The following TH variants were observed in gnomAD, a reference collection of about 807,000 sequenced individuals.
The protein encoded by TH is tyrosine 3-monooxygenase.
TH carries 49 observed loss-of-function variants against 57.4 expected under a neutral mutation model. The ratio of observed to expected loss-of-function variants is 0.85; its 90% CI spans 0.68 to 1.08. The LOEUF (loss-of-function observed/expected upper bound fraction) is 1.08, where lower values mean the gene tolerates loss of function less well. Among genes scored for constraint, TH ranks in the 50% least tolerant of loss-of-function variants. The pLI is 0.00. For missense variants in TH, 720 were observed against 696.7 expected (o/e 1.03, Z -0.38); for synonymous variants, 330 against 304.5 (o/e 1.08, Z -0.87).
rs775721911 is a variant in TH, at chr11:2,168,626, C to A, written c.352G>T (p.Ala118Ser). Residue 118 changes from alanine (A) to serine (S), a missense_variant, in exon 3 of 13, where the codon GCC becomes TCC. Coordinates refer to ENST00000352909, the MANE Select transcript of TH (RefSeq NM_000360.4). ...GGGCCCCCAGCTCGCGGCCTCTGGGCGGGCCGGGTCTCTAGATGGTGGATT... is the reference window on the plus strand; with the variant it reads ...GGGCCCCCAGCTCGCGGCCTCTGGGAGGGCCGGGTCTCTAGATGGTGGATT... Reference protein sequence around the residue: ...AKIHHLETRPAQRPRAGGPHL... With the variant: ...AKIHHLETRPSQRPRAGGPHL... 6.2e-6 allele frequency: 10 copies of A among 1,609,576 alleles called. No individual in the cohort carries two copies. Among genetic ancestry groups the A allele is most frequent in the East Asian group, 2.2e-5 (1 of 44,672 alleles).
rs1158669643 is a variant in TH, at chr11:2,168,550, G to A, written c.428C>T (p.Ala143Val). The change falls in exon 3 of 13, where the codon GCC (alanine) becomes GTC (valine). Residue 143 changes from alanine (A) to valine (V), a missense_variant. By Grantham distance (64) the Ala-to-Val change is moderately conservative. Transcript: ENST00000352909. The part of the protein sequence containing the change: ...RLEVRRGDLA[A>V]LLSGVRQVSE... The stretch of plus-strand genomic sequence containing the variant: ...CACCTGGCGCACACCACTGAGCAGG[G>A]CGGCCAGGTCCCCTCGGCGCACCTC... 4 of 1,612,050 alleles carry A rather than the reference G, an allele frequency of 2.5e-6. No homozygotes were observed. Among genetic ancestry groups the A allele is most frequent in the East Asian group, 2.2e-5 (1 of 44,838 alleles).
At chr11:2,168,755 G>T (rs1014030548) in intron 2 of TH, 90 bp from the exon 3 acceptor site, 164 of 1,395,244 alleles carry the variant, frequency 1.2e-4, no homozygotes, top group Non-Finnish European at 1.5e-4. Context: ...AGGCACATCT[G>T]GCTGGCTGGC....
Position 2,167,000 on chromosome 11 carries a change from T to C in TH, c.728A>G (p.Tyr243Cys). The change falls in exon 7 of 13, where the codon TAC becomes TGC. Residue 243 changes from tyrosine (Y) to cysteine (C), a missense_variant. Transcript: ENST00000352909. Reference sequence around the variant, plus strand: ...GTGCTCCCCGCAGGCGTGCGTGGCGTAGAGGCCCTTCAGCGTGGTGTAGAC... The same window carrying C: ...GTGCTCCCCGCAGGCGTGCGTGGCGCAGAGGCCCTTCAGCGTGGTGTAGAC... ...KEVYTTLKGL[Y>C]ATHACGEHLE... is the part of the protein sequence containing the mutation. The C allele has an allele frequency of 6.3e-7, 1 of 1,588,684 alleles. No individual in the cohort carries two copies.
rs765379626 is a variant in TH, at chr11:2,166,030, G to A, written c.1076C>T (p.Ser359Leu). ...QDIGLASLGASDEEIEKLSTL... is the reference protein window; with the variant it reads ...QDIGLASLGALDEEIEKLSTL... ...GGACAGCTTCTCAATTTCCTCATCC[G>A]AGGCCCCCAGGGACGCCAGGCCAAT... The change falls in exon 10 of 13, where the codon TCG becomes TTG. Residue 359 changes from serine (S) to leucine (L), a missense_variant. Ser to Leu is a moderately radical substitution (Grantham distance 145). Transcript: ENST00000352909. 5.1e-6 allele frequency: 8 copies of A among 1,560,006 alleles called. No individual in the cohort carries two copies. Among genetic ancestry groups the A allele is most frequent in the Non-Finnish European group, 6.9e-6 (8 of 1,152,080 alleles).
At position 2,166,070 on chromosome 11, in the gene TH, G is replaced by A. The variant is rs1454915409; in HGVS notation, c.1048-12C>T. 6.4e-7 allele frequency: 1 copy of A among 1,552,538 alleles called. No individual in the cohort carries two copies. The highest frequency in any genetic ancestry group is 8.7e-7 in the Non-Finnish European group (1 of 1,147,756). On this transcript the variant is annotated splice_polypyrimidine_tract_variant and intron_variant, in intron 9 of 12. Coordinates refer to ENST00000352909, the MANE Select transcript of TH (RefSeq NM_000360.4). ...GCCAGGCCAATGTCCTGTGGAGCAG[G>A]GAGGATGAAGGATGGGGAGAGGCAG...
intron 5 of TH, 151 bp from the exon 6 acceptor site, chr11:2,167,636 C>T (rs1846135827): frequency 8.8e-7 from 1 of 1,130,548 alleles, no homozygotes; most frequent in South Asian, 1.4e-5. Flanking sequence ...CCCCAGCTGA[C>T]TGTGCCGTGA....
rs1281472516 is a variant in TH at position 2,166,783 on chromosome 11, G to T, written c.842-15C>A. 2.6e-6 allele frequency: 4 copies of T among 1,547,714 alleles called. No homozygotes were observed. Among genetic ancestry groups the T allele is most frequent in the Non-Finnish European group, 3.5e-6 (4 of 1,145,602 alleles). On this transcript the variant is annotated splice_polypyrimidine_tract_variant and intron_variant, in intron 7 of 12. Transcript: ENST00000352909. The stretch of plus-strand genomic sequence containing the variant: ...GCCCGTGCGCTCTGCAAGGGGCCAC[G>T]CGGGTCACTGCCGAGCCGGGACGGG...
rs4072823 is a variant in TH at position 2,166,168 on chromosome 11, T to G, written c.1048-110A>C. 0.98 allele frequency: 1,244,010 copies of G among 1,266,748 alleles called. 613,438 individuals carry two copies. Among genetic ancestry groups the G allele is most frequent in the East Asian group, 1 (39,472 of 39,484 alleles). The allele number at this position is 1,266,748 out of a possible 1,614,324, so 78.5% of individuals were successfully genotyped here. A position where few individuals can be genotyped will look rare whatever the true frequency, so the allele number is the denominator to read the frequency against. On this transcript the variant is annotated intron_variant, in intron 9 of 12. Coordinates refer to ENST00000352909, the MANE Select transcript of TH (RefSeq NM_000360.4). ...TCCAGGGGTCTCTGGGACACTTCCC[T>G]GGCGGCAGAGACCTTCCCTGGCCGC...
At position 2,170,783 on chromosome 11, in the gene TH, TGCCTGATGGGGA is replaced by T; in HGVS notation, c.90+902_90+913del. On this transcript the variant is annotated intron_variant, in intron 1 of 12. Coordinates refer to ENST00000352909, the MANE Select transcript of TH (RefSeq NM_000360.4). This position sits in a 1 kb window ranked among gnomAD's most constrained non-coding sequence, Gnocchi z 6.0. ...GCCCCGGGGCGCCCTGGGGAGGGGA[TGCCTGATGGGGA>T]GCCTGGTGGGGGAGGGTAGGGGAGG... is the stretch of plus-strand genomic sequence containing the variant. The T allele has an allele frequency of 2.0e-6, 2 of 997,782 alleles. No individual in the cohort carries two copies. Among genetic ancestry groups the T allele is most frequent in the Non-Finnish European group, 2.4e-6 (2 of 823,408 alleles). 61.8% of individuals were successfully genotyped at this position (997,782 alleles called of 1,614,324 possible).
Position 2,168,129 on chromosome 11 carries a change from C to G in TH, c.538G>C (p.Val180Leu), listed in dbSNP as rs1846152581. Reference protein sequence around the residue: ...VSELDKCHHLVTKFDPDLDLD... With the variant: ...VSELDKCHHLLTKFDPDLDLD... Reference sequence around the variant, plus strand: ...TCCAGGTCAGGGTCGAACTTGGTGACCAGGTGATGACACTTGTCCAGCTCT... The same window carrying G: ...TCCAGGTCAGGGTCGAACTTGGTGAGCAGGTGATGACACTTGTCCAGCTCT... Residue 180 changes from valine (V) to leucine (L), a missense_variant, in exon 4 of 13, where the codon GTC becomes CTC. Coordinates refer to ENST00000352909, the MANE Select transcript of TH (RefSeq NM_000360.4). The G allele has an allele frequency of 6.2e-7, 1 of 1,613,466 alleles. No individual in the cohort carries two copies. The highest frequency in any genetic ancestry group is 1.3e-5 in the African/African-American group (1 of 74,914).
rs181865940 is a variant in TH at position 2,169,918 on chromosome 11, G to C, written c.91-47C>G. On this transcript the variant is annotated intron_variant, in intron 1 of 12. Transcript: ENST00000352909. The stretch of plus-strand genomic sequence containing the variant: ...ATGCCTCCTCCACCTGCTGAGACCC[G>C]GGGACCTCCACCCACAGCTGGTCCC... 6 of 1,561,668 alleles carry C rather than the reference G, an allele frequency of 3.8e-6. No individual in the cohort carries two copies. In the East Asian group the frequency reaches 9.5e-5, roughly 25 times the overall value.
At position 2,165,704 on chromosome 11, in the gene TH, A is replaced by G; in HGVS notation, c.1164T>C (p.Tyr388=). The change falls in exon 11 of 13, where the codon TAT becomes TAC. Residue 388 remains tyrosine, a synonymous_variant. Coordinates refer to ENST00000352909, the MANE Select transcript of TH (RefSeq NM_000360.4). ...LCKQNGEVKA[Y]GAGLLSSYGE... ...CGTAGGAGGACAGCAGCCCGGCACC[A>G]TAGGCCTTCACCTCCCCGTTCTGCT... 5 of 1,612,750 alleles carry G rather than the reference A, an allele frequency of 3.1e-6. No homozygotes were observed. Among genetic ancestry groups the G allele is most frequent in the South Asian group, 2.2e-5 (2 of 91,076 alleles).
intron 6 of TH, 91 bp downstream of exon 6, chr11:2,167,344 C>T: frequency 7.0e-7 from 1 of 1,429,394 alleles, no homozygotes; most frequent in Non-Finnish European, 9.6e-7. Context: ...TCCTGTTGTG[C>T]CAAGGTCCCT....
intron 11 of TH, 82 bp from the exon 12 acceptor site, chr11:2,165,447 T>C (rs964706458): frequency 1.9e-6 from 3 of 1,586,150 alleles, no homozygotes; most frequent in Admixed American, 3.3e-5. Flanking sequence ...TGACGCTGGG[T>C]GGGTTCCTTG....
At position 2,166,679 on chromosome 11, in the gene TH, T is replaced by C. The variant is rs1016513333; in HGVS notation, c.931A>G (p.Thr311Ala). The change falls in exon 8 of 13, where the codon ACC (threonine) becomes GCC (alanine). Residue 311 changes from threonine (T) to alanine (A), a missense_variant. By Grantham distance (58) the Thr-to-Ala change is moderately conservative (BLOSUM62 0). Transcript: ENST00000352909. ...ASLAFRVFQC[T>A]QYIRHASSPM... ...GAGGACGCGTGGCGGATATACTGGG[T>C]GCACTGGAACACGCGGAAGGCCAGG... 3.8e-6 allele frequency: 6 copies of C among 1,565,530 alleles called. No homozygotes were observed. The African/African-American group carries it at 8.1e-5, about 21-fold the overall frequency.
At chr11:2,168,728 T>TGGGGGGG in intron 2 of TH, 63 bp from the exon 3 acceptor site, 2 of 84,846 alleles carry the variant, frequency 2.4e-5, no homozygotes, top group Admixed American at 2.1e-4. Flanking sequence ...AGAGAGAGGG[T>TGGGGGGG]GGGGTGGGCG....
At position 2,170,452 on chromosome 11, in the gene TH, C is replaced by T. The variant is rs1202162924; in HGVS notation, c.91-581G>A. Among the ~76,000 whole-genome samples, 2 of 152,152 alleles carry T rather than the reference C, an allele frequency of 1.3e-5. No individual in the cohort carries two copies. The highest frequency in any genetic ancestry group is 2.4e-5 in the African/African-American group (1 of 41,432). Reference sequence around the variant, plus strand: ...GTCATCCCTCCACCCTTTGTCATAGCTCTGGGCGCAGGTGTCTCTCCCTGG... The same window carrying T: ...GTCATCCCTCCACCCTTTGTCATAGTTCTGGGCGCAGGTGTCTCTCCCTGG... On this transcript the variant is annotated intron_variant, in intron 1 of 12. Coordinates refer to ENST00000352909, the MANE Select transcript of TH (RefSeq NM_000360.4). This position sits in a 1 kb window ranked among gnomAD's most constrained non-coding sequence, Gnocchi z 6.0.
intron 11 of TH, 75 bp downstream of exon 11, chr11:2,165,593 G>T: frequency 6.6e-7 from 1 of 1,519,216 alleles, no homozygotes; most frequent in African/African-American, 1.4e-5. Flanking sequence ...CCTCCCACTG[G>T]GAGCCTGTCC....
rs1315866092 is a variant in TH, at chr11:2,171,096, A to AATGAATGAATGAATG, written c.90+586_90+600dup. The stretch of plus-strand genomic sequence containing the variant: ...ACACAGACTCCATGGTGAATGAATG[A>AATGAATGAATGAATG]ATGAATGAATGAATGAATGAGGGAA... On this transcript the variant is annotated intron_variant, in intron 1 of 12. Transcript: ENST00000352909. This position sits in a 1 kb window ranked among gnomAD's most constrained non-coding sequence, Gnocchi z 8.6. Among the ~76,000 whole-genome samples the AATGAATGAATGAATG allele has an allele frequency of 1.4e-5, 2 of 140,826 alleles. No homozygotes were observed. Among genetic ancestry groups the AATGAATGAATGAATG allele is most frequent in the Non-Finnish European group, 3.3e-5 (2 of 60,488 alleles). 92.4% of individuals were successfully genotyped at this position (140,826 alleles called of 152,430 possible).
Sources: allele counts gnomAD v4.1 joint callset (sites outside exome capture counted in the v4.1 genomes callset), GRCh38; gene constraint gnomAD v4.1.1; non-coding constraint Gnocchi (gnomAD v3.1); transcripts MANE v1.5; gene names NCBI Gene and HGNC (gene_info 2026-07-23, HGNC 2026-07-21).